Variants in SLC31A2 observed in about 807,000 individuals in gnomAD.
The protein encoded by SLC31A2 is protein SLC31A2.
A neutral mutation model predicts 14.4 loss-of-function variants in SLC31A2; 16 were observed. The observed-to-expected ratio is 1.11, with a 90% confidence interval of 0.75 to 1.69. SLC31A2 has a LOEUF of 1.69. Among genes scored for constraint, SLC31A2 ranks in the 40% most tolerant of loss-of-function variants. The probability of loss-of-function intolerance (pLI) is 0.00; values close to 1 mark genes in which losing one functional copy is unlikely to be tolerated. For synonymous variants in SLC31A2, 56 were observed against 68.7 expected (o/e 0.82, Z 0.91); for missense variants, 140 against 173.9 (o/e 0.81, Z 1.10).
rs1417875489 is a variant in SLC31A2, at chr9:113,151,078, G to A, written c.4G>A (p.Ala2Thr). The change falls in exon 1 of 4, where the codon GCG becomes ACG. Residue 2 changes from alanine (A) to threonine (T), a missense_variant and splice_region_variant. Transcript: ENST00000259392. This position sits in a 1 kb window ranked among gnomAD's most constrained non-coding sequence, Gnocchi z 4.2. ...GCGCCCGCCCTGCGCACTCACCATG[G>A]CGGTAAGGGCCGGGCGCTACGGTGA... M[A>T]MHFIFSDTAV... is the part of the protein sequence containing the mutation. 1 of 1,309,070 alleles carries A rather than the reference G, an allele frequency of 7.6e-7. No homozygotes were observed. The highest frequency in any genetic ancestry group is 9.8e-7 in the Non-Finnish European group (1 of 1,021,018). The allele number at this position is 1,309,070 out of a possible 1,614,324, so 81.1% of individuals were successfully genotyped here.
intron 2 of SLC31A2, 60 bp downstream of exon 2, chr9:113,157,853 G>A: frequency 7.7e-7 from 1 of 1,301,268 alleles, no homozygotes; most frequent in African/African-American, 1.5e-5. Flanking sequence ...AGGCAAGGGA[G>A]AATCTGGGTT....
intron 1 of SLC31A2, chr9:113,155,986 A>G (rs1179448296): frequency 1.9e-6 from 1 of 512,828 alleles, no homozygotes; most frequent in South Asian, 1.4e-5. Context: ...GGAGGATTGG[A>G]GACGACTAGA....
chr9:113,152,391 G>C (rs1010557404), intron 1 of SLC31A2: 1 of 152,288 alleles, frequency 6.6e-6, no homozygotes, highest in Non-Finnish European at 1.5e-5. Context: ...CTAGCAAAAA[G>C]GCAAAAGTAG....
chr9:113,159,932 T>C (rs978409945), intron 2 of SLC31A2, among the ~76,000 whole-genome samples: 15 of 152,168 alleles, frequency 9.9e-5, no homozygotes, highest in African/African-American at 3.4e-4. Context: ...CCCAGCACTT[T>C]GGGAGGCCGA....
rs10122895 is a variant in SLC31A2, at chr9:113,158,173, G to T, written c.73+380G>T. 2,658 of 464,798 alleles carry T rather than the reference G, an allele frequency of 5.7e-3. 57 individuals carry two copies. The highest frequency in any genetic ancestry group is 0.047 in the African/African-American group (2,330 of 50,046). 28.8% of individuals were successfully genotyped at this position (464,798 alleles called of 1,614,324 possible). A position where few individuals can be genotyped will look rare whatever the true frequency, so the allele number is the denominator to read the frequency against. On this transcript the variant is annotated intron_variant, in intron 2 of 3. Coordinates refer to ENST00000259392, the MANE Select transcript of SLC31A2 (RefSeq NM_001860.3). ...GCACCTCCCTTATCCAGGGCTCATT[G>T]TTCTGCACCAGTTCAGAAGCCCACA... is the stretch of plus-strand genomic sequence containing the variant.
Position 113,151,535 on chromosome 9 carries a change from T to C in SLC31A2, c.6+455T>C. 6.0e-6 allele frequency: 1 copy of C among 165,928 alleles called. No homozygotes were observed. The highest frequency in any genetic ancestry group is 1.3e-5 in the Non-Finnish European group (1 of 77,516). 10.3% of individuals were successfully genotyped at this position (165,928 alleles called of 1,614,324 possible). On this transcript the variant is annotated intron_variant, in intron 1 of 3. Transcript: ENST00000259392. This position sits in a 1 kb window ranked among gnomAD's most constrained non-coding sequence, Gnocchi z 4.2. ...ACCGAGCGCACATCCCCGGCCCTGC[T>C]CTTGTCAAGTTTGTAGCCTGATTCT...
In SLC31A2 at chr9:113,158,431, G is replaced by A. The variant is rs373690250; in HGVS notation, c.73+638G>A. Among the ~76,000 whole-genome samples the A allele has an allele frequency of 3.3e-5, 5 of 152,170 alleles. No individual in the cohort carries two copies. In the East Asian group the frequency reaches 7.7e-4, roughly 23 times the overall value. ...TGTTATCTATTGCTGAATAAACAGT[G>A]GCTTAAAACAAGTCATTTTATCATT... On this transcript the variant is annotated intron_variant, in intron 2 of 3. Coordinates refer to ENST00000259392, the MANE Select transcript of SLC31A2 (RefSeq NM_001860.3).
At chr9:113,155,789 C>T (rs1386712724) in intron 1 of SLC31A2, among the ~76,000 whole-genome samples, 3 of 151,714 alleles carry the variant, frequency 2.0e-5, no homozygotes, top group Non-Finnish European at 4.4e-5. Context: ...GAAAAAAAGG[C>T]ACTGGGGTTA....
chr9:113,151,397 C>T lies in SLC31A2; in HGVS notation c.6+317C>T, dbSNP rs975965504. Among the ~76,000 whole-genome samples the T allele has an allele frequency of 2.0e-5, 3 of 151,888 alleles. No homozygotes were observed. The highest frequency in any genetic ancestry group is 6.5e-5 in the Admixed American group (1 of 15,278). On this transcript the variant is annotated intron_variant, in intron 1 of 3. Coordinates refer to ENST00000259392, the MANE Select transcript of SLC31A2 (RefSeq NM_001860.3). The surrounding 1 kb of genome is among the most constrained non-coding windows in gnomAD (Gnocchi z 4.2). The stretch of plus-strand genomic sequence containing the variant: ...GACAGCTGGGTCCGGGGCCCCCGGC[C>T]CCGGACCTCTGGCCGGCGCCCCAGG...
At chr9:113,154,230 G>A (rs1587938895) in intron 1 of SLC31A2, among the ~76,000 whole-genome samples, 3 of 152,194 alleles carry the variant, frequency 2.0e-5, no homozygotes, top group African/African-American at 7.2e-5. Context: ...AGTAGATAGA[G>A]TTCAAGATGG....
rs1829855262 is a variant in SLC31A2 at position 113,151,011 on chromosome 9, T to C, written c.-64T>C. ...GCGGCGGCGGCGGCGGCGGTTGAACTGACTCGGAGCGAGGAGACCCGAGCG... is the reference window on the plus strand; with the variant it reads ...GCGGCGGCGGCGGCGGCGGTTGAACCGACTCGGAGCGAGGAGACCCGAGCG... On this transcript the variant is annotated 5_prime_UTR_variant, in exon 1 of 4. Coordinates refer to ENST00000259392, the MANE Select transcript of SLC31A2 (RefSeq NM_001860.3). This position sits in a 1 kb window ranked among gnomAD's most constrained non-coding sequence, Gnocchi z 4.2. 1 of 1,288,854 alleles carries C rather than the reference T, an allele frequency of 7.8e-7. No individual in the cohort carries two copies. Among genetic ancestry groups the C allele is most frequent in the Non-Finnish European group, 9.9e-7 (1 of 1,013,832 alleles). 79.8% of individuals were successfully genotyped at this position (1,288,854 alleles called of 1,614,324 possible).
At chr9:113,156,234 C>T in intron 1 of SLC31A2, 1 of 461,036 alleles carries the variant, frequency 2.2e-6, no homozygotes, top group East Asian at 5.7e-5. Context: ...ATATCTTCCT[C>T]CCTTGAACAG....
At chr9:113,158,720 G>A (rs1025786627) in intron 2 of SLC31A2, among the ~76,000 whole-genome samples, 1 of 152,162 alleles carries the variant, frequency 6.6e-6, no homozygotes, top group Admixed American at 6.5e-5. Flanking sequence ...AGAGAACAAG[G>A]TAGAAGTACG....
intron 2 of SLC31A2, 178 bp downstream of exon 2, chr9:113,157,971 C>A (rs1290671000): frequency 1.0e-5 from 7 of 686,092 alleles, no homozygotes; most frequent in Non-Finnish European, 1.6e-5. Context: ...CTTCAGATCG[C>A]AAAGGGCTCC....
chr9:113,161,514 G>T lies in SLC31A2; in HGVS notation c.79G>T (p.Ala27Ser). ...AACTCTGCCTCCTTTGACAGGCATG[G>T]CCCTTTCGGTGTTGGTGCTCCTGCT... is the stretch of plus-strand genomic sequence containing the variant. ...FWSVHSPAGMALSVLVLLLLA... is the reference protein window; with the variant it reads ...FWSVHSPAGMSLSVLVLLLLA... The change falls in exon 3 of 4, where the codon GCC becomes TCC. Residue 27 changes from alanine to serine, a missense_variant. Transcript: ENST00000259392. 6.2e-7 allele frequency: 1 copy of T among 1,613,916 alleles called. No homozygotes were observed. Among genetic ancestry groups the T allele is most frequent in the South Asian group, 1.1e-5 (1 of 91,068 alleles).
Position 113,151,022 on chromosome 9 carries a change from G to C in SLC31A2, c.-53G>C, listed in dbSNP as rs924729202. The C allele has an allele frequency of 3.0e-5, 39 of 1,294,586 alleles. No homozygotes were observed. The Admixed American group carries it at 9.7e-4, about 32-fold the overall frequency. The allele number at this position is 1,294,586 out of a possible 1,614,324, so 80.2% of individuals were successfully genotyped here. A position where few individuals can be genotyped will look rare whatever the true frequency, so the allele number is the denominator to read the frequency against. On this transcript the variant is annotated 5_prime_UTR_variant, in exon 1 of 4. Transcript: ENST00000259392. The surrounding 1 kb of genome is among the most constrained non-coding windows in gnomAD (Gnocchi z 4.2). ...GGCGGCGGTTGAACTGACTCGGAGC[G>C]AGGAGACCCGAGCGAGCAGACGCGG...
rs1037241491 is a variant in SLC31A2, at chr9:113,151,307, G to C, written c.6+227G>C. On this transcript the variant is annotated intron_variant, in intron 1 of 3. Transcript: ENST00000259392. This position sits in a 1 kb window ranked among gnomAD's most constrained non-coding sequence, Gnocchi z 4.2. The stretch of plus-strand genomic sequence containing the variant: ...GTCCCTCCTGCTGGGAGGCAGTCCG[G>C]CTAGGCGAGCAGTTACCGAGCGCCC... Among the ~76,000 whole-genome samples, 1 of 152,094 alleles carries C rather than the reference G, an allele frequency of 6.6e-6. No individual in the cohort carries two copies. The highest frequency in any genetic ancestry group is 1.5e-5 in the Non-Finnish European group (1 of 68,016).
chr9:113,160,200 TA>T (rs150527007), intron 2 of SLC31A2, among the ~76,000 whole-genome samples: 68 of 144,646 alleles, frequency 4.7e-4, no homozygotes, highest in South Asian at 4.4e-4. Context: ...AGACTCCATC[TA>T]AAAAAAAAAA....
chr9:113,157,369 G>A (rs1035097200), intron 1 of SLC31A2, among the ~76,000 whole-genome samples: 1 of 152,200 alleles, frequency 6.6e-6, no homozygotes, highest in Admixed American at 6.5e-5. Flanking sequence ...CAGCAGAATG[G>A]CTAGGGTCCC....
Sources: gnomAD v4.1 joint callset for allele counts (sites outside exome capture counted in the v4.1 genomes callset) on GRCh38, gnomAD v4.1.1 for gene constraint, Gnocchi (gnomAD v3.1) non-coding constraint, MANE v1.5 for transcripts, NCBI Gene and HGNC (gene_info 2026-07-23, HGNC 2026-07-21) for gene names.